SDK1: variants seen among roughly 807,000 people sequenced by gnomAD.
SDK1 encodes the protein protein sidekick-1.
A neutral mutation model predicts 245.5 loss-of-function variants in SDK1; 157 were observed. The observed-to-expected ratio is 0.64, with a 90% CI of 0.56 to 0.73. The LOEUF is 0.73. SDK1 is among the 30% of genes least tolerant of loss of function. The probability of loss-of-function intolerance (pLI) is 0.00; values close to 1 mark genes in which losing one functional copy is unlikely to be tolerated. For missense variants in SDK1, 3,583 were observed against 3,002.3 expected (o/e 1.19, Z -4.52); for synonymous variants, 1,647 against 1,278.5 (o/e 1.29, Z -6.15).
At chr7:4,022,323 C>A (rs1285818526) in intron 17 of SDK1, among the ~76,000 whole-genome samples, 1 of 152,170 alleles carries the variant, frequency 6.6e-6, no homozygotes, top group African/African-American at 2.4e-5. Flanking sequence ...TCTCCTCCTC[C>A]CTTCAGTGAG....
chr7:3,771,310 C>T (rs573941800), intron 4 of SDK1, among the ~76,000 whole-genome samples: 6 of 152,042 alleles, frequency 3.9e-5, no homozygotes, highest in South Asian at 2.1e-4. Flanking sequence ...ACCTCACTTG[C>T]GTCGAGTGAA....
intron 27 of SDK1, 60 bp downstream of exon 27, chr7:4,130,157 G>T: frequency 6.9e-7 from 1 of 1,454,666 alleles, no homozygotes; most frequent in Admixed American, 2.3e-5. Flanking sequence ...CCTTTCCAAT[G>T]CAAACAATTT....
chr7:3,808,810 T>A (rs1220925455), intron 4 of SDK1, among the ~76,000 whole-genome samples: 1 of 152,156 alleles, frequency 6.6e-6, no homozygotes, highest in Non-Finnish European at 1.5e-5. Context: ...AGATGTTGTT[T>A]ACACACAAAT....
intron 1 of SDK1, among the ~76,000 whole-genome samples, chr7:3,435,636 A>T (rs1448670298): frequency 6.6e-6 from 1 of 152,026 alleles, no homozygotes; most frequent in African/African-American, 2.4e-5. Context: ...AAGTGCTGGG[A>T]TTACAGGAGT....
At chr7:3,471,206 TG>T (rs1200574329) in intron 1 of SDK1, among the ~76,000 whole-genome samples, 5 of 152,174 alleles carry the variant, frequency 3.3e-5, no homozygotes, top group African/African-American at 9.6e-5. Flanking sequence ...GTGAGAAGAC[TG>T]AGTGAGGTCC....
chr7:3,916,935 T>C (rs1162861988), intron 5 of SDK1, among the ~76,000 whole-genome samples: 1 of 152,216 alleles, frequency 6.6e-6, no homozygotes, highest in Non-Finnish European at 1.5e-5. Context: ...TGCAGACTCA[T>C]AGTATAAAGT....
At chr7:3,364,216 T>C (rs1781027185) in intron 1 of SDK1, among the ~76,000 whole-genome samples, 1 of 152,254 alleles carries the variant, frequency 6.6e-6, no homozygotes, top group Non-Finnish European at 1.5e-5. Flanking sequence ...CGTACAAATA[T>C]ATTCTCACTC....
intron 4 of SDK1, among the ~76,000 whole-genome samples, chr7:3,809,523 C>G (rs545723845): frequency 2.0e-5 from 3 of 152,270 alleles, no homozygotes; most frequent in African/African-American, 7.2e-5. Context: ...CGAAAAGAGT[C>G]TTAACACGAG....
intron 1 of SDK1, among the ~76,000 whole-genome samples, chr7:3,375,180 C>CAAA: frequency 7.0e-6 from 1 of 142,376 alleles, no homozygotes; most frequent in Non-Finnish European, 1.5e-5. Flanking sequence ...AGTTAATTTG[C>CAAA]AAAAAAAAAA....
intron 37 of SDK1, 90 bp downstream of exon 37, chr7:4,208,375 G>A (rs964030315): frequency 1.3e-5 from 16 of 1,196,276 alleles, no homozygotes; most frequent in Admixed American, 2.4e-5. Context: ...AGTGGTTCCC[G>A]GCCCGCCCAG....
At chr7:3,604,142 C>A (rs1045710268) in intron 1 of SDK1, among the ~76,000 whole-genome samples, 6 of 152,112 alleles carry the variant, frequency 3.9e-5, no homozygotes, top group African/African-American at 1.4e-4. Flanking sequence ...GTCTAAAATT[C>A]TCTTTTTTGG....
chr7:3,584,250 A>G (rs1186195582), intron 1 of SDK1, among the ~76,000 whole-genome samples: 1 of 152,136 alleles, frequency 6.6e-6, no homozygotes, highest in Non-Finnish European at 1.5e-5. Context: ...TGTCATCTCC[A>G]AACGTATTTG....
chr7:3,720,924 A>T (rs894834326), intron 4 of SDK1, among the ~76,000 whole-genome samples: 8 of 152,208 alleles, frequency 5.3e-5, no homozygotes, highest in Non-Finnish European at 8.8e-5. Context: ...ATAAGAAGTG[A>T]TGGGCTTCTG....
chr7:3,524,833 A>G (rs1008871501), intron 1 of SDK1, among the ~76,000 whole-genome samples: 2 of 152,188 alleles, frequency 1.3e-5, no homozygotes, highest in African/African-American at 4.8e-5. Flanking sequence ...AGGGTCATCA[A>G]TCTAACAAAA....
chr7:4,054,063 C>T (rs1227752171), intron 19 of SDK1, among the ~76,000 whole-genome samples: 4 of 151,960 alleles, frequency 2.6e-5, no homozygotes, highest in Admixed American at 2.6e-4. Context: ...CTTGGCCTCT[C>T]AAGTAGCTGG....
chr7:3,574,981 C>T (rs186693788), intron 1 of SDK1, among the ~76,000 whole-genome samples: 1 of 152,014 alleles, frequency 6.6e-6, no homozygotes, highest in Non-Finnish European at 1.5e-5. Flanking sequence ...TGGAGTTACC[C>T]TTTCTGCCCC....
chr7:3,699,248 A>C (rs943038108), intron 4 of SDK1, among the ~76,000 whole-genome samples: 2 of 152,222 alleles, frequency 1.3e-5, no homozygotes, highest in African/African-American at 2.4e-5. Flanking sequence ...AGAACCAAGA[A>C]TATCTCAACT....
At chr7:4,217,292 C>G (rs1273863914) in intron 38 of SDK1, among the ~76,000 whole-genome samples, 1 of 117,106 alleles carries the variant, frequency 8.5e-6, no homozygotes, top group Admixed American at 8.6e-5. Context: ...CGGAGAACCA[C>G]ACTACCTGGA....
At chr7:3,692,694 A>C (rs370459621) in intron 4 of SDK1, among the ~76,000 whole-genome samples, 1 of 152,014 alleles carries the variant, frequency 6.6e-6, no homozygotes, top group Non-Finnish European at 1.5e-5. Flanking sequence ...AATATTTTTG[A>C]GGTGATTCAT....
Sources: allele counts gnomAD v4.1 joint callset (sites outside exome capture counted in the v4.1 genomes callset), GRCh38; gene constraint gnomAD v4.1.1; transcripts MANE v1.5; gene names NCBI Gene and HGNC (gene_info 2026-07-23, HGNC 2026-07-21).